The following IGSF5 variants were observed in gnomAD, a reference collection of about 807,000 sequenced individuals.
IGSF5 encodes immunoglobulin superfamily 5 like.
Under a neutral mutation model 39.4 loss-of-function variants are expected in IGSF5, and 41 were observed. The observed-to-expected ratio is 1.04, with a 90% CI of 0.81 to 1.35. The LOEUF is 1.35. Among genes scored for constraint, IGSF5 ranks in the 40% most tolerant of loss-of-function variants. The pLI is 0.00. For missense variants in IGSF5, 487 were observed against 494.6 expected (o/e 0.98, Z 0.15); for synonymous variants, 183 against 175.3 (o/e 1.04, Z -0.34).
At chr21:39,713,492 C>T in the IGSF5 span, among the ~76,000 whole-genome samples, 1 of 152,168 alleles carries the variant, frequency 6.6e-6, no homozygotes, top group Non-Finnish European at 1.5e-5. Context: ...CTGTGATTCT[C>T]CTGTTGAGAC....
In IGSF5 at chr21:39,779,137, A is replaced by C. The variant is rs2080156131; in HGVS notation, c.766A>C (p.Ser256Arg). ...NIPGVLSSLP[S>R]LGFSLPTWGK... ...TCCAGGTGTATTATCAAGTTTACCGAGTTTAGGTTTTTCATTGCCTACTTG... is the reference window on the plus strand; with the variant it reads ...TCCAGGTGTATTATCAAGTTTACCGCGTTTAGGTTTTTCATTGCCTACTTG... Residue 256 changes from serine (S) to arginine (R), a missense_variant, in exon 5 of 9, where the codon AGT (serine) becomes CGT (arginine). Coordinates refer to ENST00000380588, the MANE Select transcript of IGSF5 (RefSeq NM_001080444.2). The C allele has an allele frequency of 6.2e-7, 1 of 1,613,562 alleles. No homozygotes were observed. The highest frequency in any genetic ancestry group is 1.1e-5 in the South Asian group (1 of 91,056).
At chr21:39,751,246 G>C (rs1034931988) in intron 2 of IGSF5, 4 of 152,206 alleles carry the variant, frequency 2.6e-5, no homozygotes, top group Non-Finnish European at 5.9e-5. Flanking sequence ...CATTTGTATG[G>C]AGAGAGGACA....
Position 39,790,087 on chromosome 21 carries a change from C to A in IGSF5, c.956+1899C>A, listed in dbSNP as rs142208769. On this transcript the variant is annotated intron_variant, in intron 6 of 8. Transcript: ENST00000380588. ...TCCCCAAAGCCCCCTAGACCCCGGT[C>A]AAATTGCTGCCTACCCCTCCTCCCC... Among the ~76,000 whole-genome samples, 466 of 152,250 alleles carry A rather than the reference C, an allele frequency of 3.1e-3. 1 individual carries two copies. Among genetic ancestry groups the A allele is most frequent in the African/African-American group, 0.011 (438 of 41,540 alleles).
the IGSF5 span, among the ~76,000 whole-genome samples, chr21:39,735,863 G>C: frequency 6.6e-6 from 1 of 152,208 alleles, no homozygotes; most frequent in Admixed American, 6.5e-5. Flanking sequence ...CTACAGCTTA[G>C]AGTTGTAAAT....
intron 7 of IGSF5, among the ~76,000 whole-genome samples, chr21:39,792,385 G>C (rs367944925): frequency 2.6e-5 from 4 of 152,056 alleles, no homozygotes; most frequent in African/African-American, 4.8e-5. Flanking sequence ...GCCATAGGGT[G>C]GGGGGAAGGG....
intron 8 of IGSF5, among the ~76,000 whole-genome samples, chr21:39,796,514 G>C (rs990927463): frequency 6.6e-6 from 1 of 152,202 alleles, no homozygotes; most frequent in Non-Finnish European, 1.5e-5. Flanking sequence ...AGACAGCTGA[G>C]AGCTATTCAG....
intron 2 of IGSF5, among the ~76,000 whole-genome samples, chr21:39,760,157 C>A (rs956744423): frequency 6.6e-6 from 1 of 152,126 alleles, no homozygotes; most frequent in Non-Finnish European, 1.5e-5. Flanking sequence ...CTTCCCAGAC[C>A]TCTCCTTGCC....
the IGSF5 span, among the ~76,000 whole-genome samples, chr21:39,728,953 A>G: frequency 6.6e-6 from 1 of 152,166 alleles, no homozygotes; most frequent in African/African-American, 2.4e-5. Context: ...TTGTGACCCC[A>G]AATCTACATT....
chr21:39,716,820 C>T, the IGSF5 span, among the ~76,000 whole-genome samples: 19 of 152,202 alleles, frequency 1.2e-4, no homozygotes, highest in South Asian at 3.7e-3. Context: ...TATGTGCATG[C>T]GTCTTTATGG....
intron 2 of IGSF5, among the ~76,000 whole-genome samples, chr21:39,749,155 G>A (rs2989331): frequency 1.3e-5 from 2 of 151,550 alleles, no homozygotes; most frequent in African/African-American, 4.9e-5. Flanking sequence ...GGAGGAGAAG[G>A]GGGGAGAAAG....
intron 2 of IGSF5, among the ~76,000 whole-genome samples, chr21:39,748,132 T>C (rs374365216): frequency 3.2e-4 from 48 of 151,980 alleles, no homozygotes; most frequent in African/African-American, 1.1e-3. Context: ...GTGGGTTAAA[T>C]AGCAGACATT....
chr21:39,781,464 T>C (rs1446282541), intron 5 of IGSF5, among the ~76,000 whole-genome samples: 2 of 152,232 alleles, frequency 1.3e-5, no homozygotes, highest in Admixed American at 6.5e-5. Flanking sequence ...TTCATATTTA[T>C]GGAGGTGTAG....
the IGSF5 span, among the ~76,000 whole-genome samples, chr21:39,739,040 C>T: frequency 3.3e-5 from 5 of 152,028 alleles, no homozygotes; most frequent in Non-Finnish European, 7.4e-5. Flanking sequence ...AGGAGCCCGC[C>T]ACCACGCCCA....
chr21:39,759,082 A>C (rs886978468), intron 2 of IGSF5, among the ~76,000 whole-genome samples: 1 of 84,440 alleles, frequency 1.2e-5, no homozygotes, highest in Non-Finnish European at 2.5e-5. Context: ...CTTGTTTTGT[A>C]CTTTACAAAC....
the IGSF5 span, among the ~76,000 whole-genome samples, chr21:39,732,631 T>C: frequency 7.2e-5 from 11 of 152,316 alleles, no homozygotes; most frequent in East Asian, 2.1e-3. Flanking sequence ...GGATTGTAAA[T>C]TGGCATAGTT....
At chr21:39,788,802 CAT>C (rs1340673567) in intron 6 of IGSF5, among the ~76,000 whole-genome samples, 1 of 152,144 alleles carries the variant, frequency 6.6e-6, no homozygotes, top group Non-Finnish European at 1.5e-5. Context: ...TTAACATAGC[CAT>C]ATGTGCACCA....
chr21:39,747,323 G>A (rs1310451544), intron 2 of IGSF5, among the ~76,000 whole-genome samples: 2 of 152,170 alleles, frequency 1.3e-5, no homozygotes, highest in Admixed American at 6.5e-5. Context: ...GGAAACTGCC[G>A]CCATGATTCA....
chr21:39,784,876 G>A (rs1171835480), intron 5 of IGSF5, among the ~76,000 whole-genome samples: 1 of 152,084 alleles, frequency 6.6e-6, no homozygotes, highest in Non-Finnish European at 1.5e-5. Context: ...TAAGCCGACG[G>A]ATTAACTGAC....
intron 8 of IGSF5, among the ~76,000 whole-genome samples, chr21:39,798,744 C>T (rs1264958264): frequency 6.6e-6 from 1 of 152,232 alleles, no homozygotes; most frequent in East Asian, 1.9e-4. Context: ...CTGCACCAGC[C>T]TCCCATAACT....
Sources: gnomAD v4.1 joint callset for allele counts (sites outside exome capture counted in the v4.1 genomes callset) on GRCh38, gnomAD v4.1.1 for gene constraint, MANE v1.5 for transcripts, NCBI Gene and HGNC (gene_info 2026-07-23, HGNC 2026-07-21) for gene names.